The following NAV2 variants were observed in gnomAD, a reference collection of about 807,000 sequenced individuals.
NAV2 encodes the protein helicase, APC down-regulated 1.
Under a neutral mutation model 223.2 loss-of-function variants are expected in NAV2, and 54 were observed. The observed-to-expected ratio is 0.24, with a 90% CI of 0.19 to 0.30. The LOEUF (loss-of-function observed/expected upper bound fraction) is 0.30, where lower values mean the gene tolerates loss of function less well. Among genes scored for constraint, NAV2 ranks in the 10% least tolerant of loss-of-function variants. The pLI is 1.00. For missense variants in NAV2, 2,806 were observed against 3,147.5 expected (o/e 0.89, Z 2.60); for synonymous variants, 1,279 against 1,239.3 (o/e 1.03, Z -0.67).
At chr11:19,728,944 G>A (rs1382287819) in intron 1 of NAV2, among the ~76,000 whole-genome samples, 1 of 152,196 alleles carries the variant, frequency 6.6e-6, no homozygotes, top group Admixed American at 6.5e-5. Context: ...AGAGAGAGAT[G>A]CCAAGAGTGC....
In NAV2 at chr11:19,632,198, A is replaced by G. The variant is rs563977324; in HGVS notation, c.76-200286A>G. Reference sequence around the variant, plus strand: ...TGAGAGCACACCCCCATTACCATCTATTTATAGGGACGGTTTGGTGCGGTA... The same window carrying G: ...TGAGAGCACACCCCCATTACCATCTGTTTATAGGGACGGTTTGGTGCGGTA... On this transcript the variant is annotated intron_variant, in intron 1 of 37. Coordinates refer to the NAV2 transcript ENST00000360655. Among the ~76,000 whole-genome samples the G allele has an allele frequency of 2.6e-5, 4 of 152,284 alleles. No homozygotes were observed. The South Asian group carries it at 6.2e-4, about 24-fold the overall frequency.
intron 1 of NAV2, among the ~76,000 whole-genome samples, chr11:19,457,584 A>G (rs554338291): frequency 6.6e-6 from 1 of 152,326 alleles, no homozygotes; most frequent in South Asian, 2.1e-4. Flanking sequence ...AGAGTTAAGC[A>G]GGAATGACAC....
rs769402556 is a variant in NAV2, at chr11:19,869,009, C to T, written c.511+12C>T. The T allele has an allele frequency of 2.2e-5, 35 of 1,612,880 alleles. No homozygotes were observed. Among genetic ancestry groups the T allele is most frequent in the East Asian group, 6.7e-5 (3 of 44,874 alleles). On this transcript the variant is annotated intron_variant, in intron 4 of 37. Coordinates refer to ENST00000349880, the MANE Select transcript of NAV2 (RefSeq NM_145117.5). ...GCTGTCTGCAGAAGGTGAGTCAGAG[C>T]GCTTGTCACGAAGCTGCCTCTTCAT... is the stretch of plus-strand genomic sequence containing the variant.
chr11:19,619,883 T>G (rs201241864), intron 1 of NAV2, among the ~76,000 whole-genome samples: 45 of 152,374 alleles, frequency 3.0e-4, no homozygotes, highest in East Asian at 1.2e-3. Flanking sequence ...CTAGGGTTTT[T>G]ATGGTTTTAG....
At position 20,054,215 on chromosome 11, in the gene NAV2, A is replaced by G. The variant is rs760119225; in HGVS notation, c.4617A>G (p.Gly1539=). The change falls in exon 18 of 38, where the codon GGA becomes GGG. Residue 1539 remains glycine, a synonymous_variant. Coordinates refer to ENST00000349880, the MANE Select transcript of NAV2 (RefSeq NM_145117.5). The part of the protein sequence containing the change: ...SSGSSVTSPS[G]TRFNFSQLAS... ...GCTCCAGCGTGACTTCTCCCTCCGGAACAAGATTCAACTTTTCCCAGCTTG... is the reference window on the plus strand; with the variant it reads ...GCTCCAGCGTGACTTCTCCCTCCGGGACAAGATTCAACTTTTCCCAGCTTG... 6.2e-7 allele frequency: 1 copy of G among 1,610,708 alleles called. No homozygotes were observed. The highest frequency in any genetic ancestry group is 1.1e-5 in the South Asian group (1 of 90,292).
Position 19,388,698 on chromosome 11 carries a change from C to T in NAV2, c.75+37671C>T, listed in dbSNP as rs532738612. ...GAAATAAACGTTAGCAGTGTAGGTA[C>T]GCTGGGCAAGATAATATCTGTGAAA... On this transcript the variant is annotated intron_variant, in intron 1 of 37. Coordinates refer to the NAV2 transcript ENST00000360655. 5.3e-4 allele frequency among the ~76,000 whole-genome samples: 80 copies of T among 152,200 alleles called. 1 individual carries two copies. Among genetic ancestry groups the T allele is most frequent in the Non-Finnish European group, 7.9e-4 (54 of 68,012 alleles).
At chr11:19,633,163 C>T (rs1401717236) in intron 1 of NAV2, among the ~76,000 whole-genome samples, 1 of 152,116 alleles carries the variant, frequency 6.6e-6, no homozygotes, top group African/African-American at 2.4e-5. Context: ...CAGCTCCTCC[C>T]TGTCTCTCCC....
intron 1 of NAV2, among the ~76,000 whole-genome samples, chr11:19,701,855 A>G (rs2049519578): frequency 6.6e-6 from 1 of 152,220 alleles, no homozygotes; most frequent in African/African-American, 2.4e-5. Context: ...AAATCAATGC[A>G]GCTGTTTATG....
At chr11:20,014,384 C>A (rs2053831720) in intron 11 of NAV2, among the ~76,000 whole-genome samples, 1 of 152,308 alleles carries the variant, frequency 6.6e-6, no homozygotes, top group East Asian at 1.9e-4. Context: ...TCTCTCTGTG[C>A]CCCTACAGCA....
intron 1 of NAV2, among the ~76,000 whole-genome samples, chr11:19,822,397 C>G (rs2059430169): frequency 6.6e-6 from 1 of 152,190 alleles, no homozygotes; most frequent in South Asian, 2.1e-4. Flanking sequence ...AAGCATTGCC[C>G]CCTGCACAGG....
chr11:19,959,960 C>T (rs1332988510), intron 10 of NAV2, among the ~76,000 whole-genome samples: 2 of 152,326 alleles, frequency 1.3e-5, no homozygotes, highest in Middle Eastern at 3.4e-3. Context: ...CAACAAAACA[C>T]AGCCAGCATT....
At chr11:19,399,213 T>C (rs1306886198) in intron 1 of NAV2, among the ~76,000 whole-genome samples, 2 of 152,132 alleles carry the variant, frequency 1.3e-5, no homozygotes, top group Non-Finnish European at 2.9e-5. Flanking sequence ...TTAGGCTGAG[T>C]GTCCGTGATG....
intron 36 of NAV2, among the ~76,000 whole-genome samples, chr11:20,109,922 G>C (rs1015055223): frequency 1.5e-4 from 23 of 152,374 alleles, no homozygotes; most frequent in African/African-American, 4.6e-4. Flanking sequence ...CCCCTCACTG[G>C]TTAACAGTGG....
intron 1 of NAV2, among the ~76,000 whole-genome samples, chr11:19,361,333 C>T (rs1318037558): frequency 2.6e-5 from 4 of 151,996 alleles, no homozygotes; most frequent in Admixed American, 2.6e-4. Flanking sequence ...TCACACTTTA[C>T]AGTGGACTTG....
rs1172096926 is a variant in NAV2 at position 19,545,313 on chromosome 11, A to T, written c.75+194286A>T. Among the ~76,000 whole-genome samples the T allele has an allele frequency of 3.9e-5, 6 of 152,212 alleles. No individual in the cohort carries two copies. In the East Asian group the frequency reaches 1.2e-3, roughly 29 times the overall value. On this transcript the variant is annotated intron_variant, in intron 1 of 37. Coordinates refer to the NAV2 transcript ENST00000360655. ...TTTGGGCCGGGCAGCCAACTGAATT[A>T]TTCATGACATGTGTGCTCTCTGTCT... is the stretch of plus-strand genomic sequence containing the variant.
chr11:19,894,771 C>T (rs899452415), intron 6 of NAV2, among the ~76,000 whole-genome samples: 1 of 152,222 alleles, frequency 6.6e-6, no homozygotes, highest in African/African-American at 2.4e-5. Flanking sequence ...GCTCTTGTTG[C>T]CCAGGCTAGA....
chr11:19,370,724 G>A (rs757744836), intron 1 of NAV2, among the ~76,000 whole-genome samples: 9 of 152,290 alleles, frequency 5.9e-5, no homozygotes, highest in Admixed American at 2.0e-4. Context: ...ATAACATGGC[G>A]CCTGTGCTTG....
chr11:19,425,930 G>T (rs1210262638), intron 1 of NAV2, among the ~76,000 whole-genome samples: 1 of 152,132 alleles, frequency 6.6e-6, no homozygotes, highest in Non-Finnish European at 1.5e-5. Flanking sequence ...AGGTGAGATT[G>T]TTTTCTTATC....
At chr11:19,458,851 G>A (rs185668835) in intron 1 of NAV2, among the ~76,000 whole-genome samples, 106 of 152,384 alleles carry the variant, frequency 7.0e-4, no homozygotes, top group African/African-American at 2.3e-3. Context: ...TGGCTGTTGA[G>A]GTCAAATGCT....
Sources: allele counts gnomAD v4.1 joint callset (sites outside exome capture counted in the v4.1 genomes callset), GRCh38; gene constraint gnomAD v4.1.1; transcripts MANE v1.5; gene names NCBI Gene and HGNC (gene_info 2026-07-23, HGNC 2026-07-21).